Variants in CUX1 observed in about 807,000 individuals in gnomAD.
CUX1 encodes cut like homeobox 1, also known as protein CASP.
In CUX1, 31 loss-of-function variants were observed where a neutral mutation model predicts 158.8. That is an observed-to-expected ratio of 0.20 (90% CI 0.15 to 0.26). The LOEUF (loss-of-function observed/expected upper bound fraction) is 0.26. Ranked by LOEUF, CUX1 falls within the 10% of genes least tolerant of loss-of-function variation. CUX1 has a pLI of 1.00. For synonymous variants in CUX1, 879 were observed against 862.1 expected (o/e 1.02, Z -0.34); for missense variants, 1,589 against 2,014.6 (o/e 0.79, Z 4.04).
rs1486147812 is a variant in CUX1 at position 102,249,204 on chromosome 7, C to T, written c.*162C>T. Reference sequence around the variant, plus strand: ...CAGCCCAGACCCCCTCCACGGTCCGCGGCCTGCACCGACCCGAGGCCCAGA... The same window carrying T: ...CAGCCCAGACCCCCTCCACGGTCCGTGGCCTGCACCGACCCGAGGCCCAGA... On this transcript the variant is annotated 3_prime_UTR_variant, in exon 24 of 24. Transcript: ENST00000292535. The T allele has an allele frequency of 5.4e-6, 6 of 1,113,250 alleles. No individual in the cohort carries two copies. The South Asian group carries it at 1.3e-4, about 25-fold the overall frequency. The allele number at this position is 1,113,250 out of a possible 1,614,324, so 69.0% of individuals were successfully genotyped here. A position where few individuals can be genotyped will look rare whatever the true frequency, so the allele number is the denominator to read the frequency against.
At position 101,919,861 on chromosome 7, in the gene CUX1, G is replaced by A. The variant is rs548537542; in HGVS notation, c.141+3636G>A. Reference sequence around the variant, plus strand: ...TGGCCAGGGAGGGGTGCTGTGTGGTGGCTGGGACTCTGACAGGCGGGAGAA... The same window carrying A: ...TGGCCAGGGAGGGGTGCTGTGTGGTAGCTGGGACTCTGACAGGCGGGAGAA... On this transcript the variant is annotated intron_variant, in intron 2 of 23. Coordinates refer to ENST00000292535, the MANE Select transcript of CUX1 (RefSeq NM_181552.4). 7.2e-5 allele frequency among the ~76,000 whole-genome samples: 11 copies of A among 152,328 alleles called. No individual in the cohort carries two copies. In the East Asian group the frequency reaches 1.7e-3, roughly 24 times the overall value.
At chr7:102,217,195 A>G (rs111426402) in intron 20 of CUX1, among the ~76,000 whole-genome samples, 2 of 152,160 alleles carry the variant, frequency 1.3e-5, no homozygotes, top group East Asian at 1.9e-4. Flanking sequence ...CCCTTCAGCA[A>G]TCTGGCCAGA....
At chr7:101,914,462 CCTTCCTTCCTTCCCTT>C (rs1285928248) in intron 1 of CUX1, among the ~76,000 whole-genome samples, 2 of 142,958 alleles carry the variant, frequency 1.4e-5, no homozygotes, top group East Asian at 2.2e-4. Context: ...TTCCCTCCTT[CCTTCCTTCCTTCCCTT>C]CTTCCTTCCT....
intron 1 of CUX1, among the ~76,000 whole-genome samples, chr7:101,830,867 AAC>A (rs1793908060): frequency 6.6e-6 from 1 of 152,184 alleles, no homozygotes; most frequent in African/African-American, 2.4e-5. Flanking sequence ...TCTCAGAAAT[AAC>A]ACAGCACATT....
intron 2 of CUX1, among the ~76,000 whole-genome samples, chr7:101,984,976 T>C (rs1814090695): frequency 6.6e-6 from 1 of 152,230 alleles, no homozygotes; most frequent in Admixed American, 6.5e-5. Context: ...CTCCTGCCAT[T>C]TATTGGGGCC....
In CUX1 at chr7:102,210,393, G is replaced by A. The variant is rs576189104; in HGVS notation, c.3130+5223G>A. Among the ~76,000 whole-genome samples the A allele has an allele frequency of 1.3e-3, 194 of 152,174 alleles. 1 individual carries two copies. The highest frequency in any genetic ancestry group is 4.3e-3 in the African/African-American group (180 of 41,516). ...ATTACAGGTGTAAGTCACCACACCCGGCCTTTTTTATTCTTTATTTCCAAA... is the reference window on the plus strand; with the variant it reads ...ATTACAGGTGTAAGTCACCACACCCAGCCTTTTTTATTCTTTATTTCCAAA... On this transcript the variant is annotated intron_variant, in intron 20 of 23. Transcript: ENST00000292535.
intron 22 of CUX1, chr7:102,282,999 C>A (rs782777668): frequency 6.2e-7 from 1 of 1,609,410 alleles, no homozygotes; most frequent in Non-Finnish European, 8.5e-7. Context: ...TCGGCCTCAG[C>A]AAAGCTTCCC....
intron 2 of CUX1, among the ~76,000 whole-genome samples, chr7:101,956,388 G>A (rs1809790596): frequency 6.6e-6 from 1 of 152,074 alleles, no homozygotes; most frequent in African/African-American, 2.4e-5. Flanking sequence ...TTATTAGCAT[G>A]TGACACCAGA....
At chr7:102,044,767 T>A (rs562704636) in intron 3 of CUX1, among the ~76,000 whole-genome samples, 25 of 152,184 alleles carry the variant, frequency 1.6e-4, no homozygotes, top group Admixed American at 7.9e-4. Flanking sequence ...AATAGGTCAG[T>A]GCCCTGCTGG....
downstream of CUX1, among the ~76,000 whole-genome samples, chr7:102,263,011 CTTTTT>C (rs58568731): frequency 1.0e-4 from 13 of 127,210 alleles, no homozygotes; most frequent in African/African-American, 3.3e-4. Context: ...AAGGGTTAAA[CTTTTT>C]TTTTTTTTTT....
At chr7:102,113,088 A>G (rs915199485) in intron 7 of CUX1, among the ~76,000 whole-genome samples, 1 of 152,200 alleles carries the variant, frequency 6.6e-6, no homozygotes, top group East Asian at 1.9e-4. Context: ...GTCGAACAAT[A>G]AGCAAGGGAT....
chr7:102,232,944 TCTC>T (rs2132419920), intron 21 of CUX1, among the ~76,000 whole-genome samples: 1 of 152,268 alleles, frequency 6.6e-6, no homozygotes, highest in South Asian at 2.1e-4. Context: ...GGCAGCTCCC[TCTC>T]CTCTGTCCTG....
At chr7:101,965,464 G>A (rs917752833) in intron 2 of CUX1, among the ~76,000 whole-genome samples, 1 of 152,102 alleles carries the variant, frequency 6.6e-6, no homozygotes, top group Non-Finnish European at 1.5e-5. Flanking sequence ...GGAAGGGCAG[G>A]GTCAGCAGGG....
At chr7:102,139,131 G>A (rs759910071) in intron 8 of CUX1, among the ~76,000 whole-genome samples, 2 of 151,248 alleles carry the variant, frequency 1.3e-5, no homozygotes, top group African/African-American at 4.9e-5. Context: ...TGTAATTCCA[G>A]CTACTCAGGA....
chr7:101,973,052 C>G (rs1812170820), intron 2 of CUX1, among the ~76,000 whole-genome samples: 2 of 152,124 alleles, frequency 1.3e-5, no homozygotes, highest in Admixed American at 1.3e-4. Context: ...TTTCAGGCAG[C>G]CGAAATCCCC....
intron 2 of CUX1, among the ~76,000 whole-genome samples, chr7:101,943,313 G>A (rs1034154994): frequency 7.9e-5 from 12 of 151,796 alleles, no homozygotes; most frequent in Middle Eastern, 3.4e-3. Context: ...CACCATGTTG[G>A]CCAGGTTGGT....
intron 1 of CUX1, among the ~76,000 whole-genome samples, chr7:101,864,243 C>T (rs544339156): frequency 6.6e-6 from 1 of 152,102 alleles, no homozygotes; most frequent in Non-Finnish European, 1.5e-5. Context: ...TCACTGGATC[C>T]TTGACCTCCT....
At chr7:101,948,108 C>T (rs553710215) in intron 2 of CUX1, among the ~76,000 whole-genome samples, 2 of 152,332 alleles carry the variant, frequency 1.3e-5, no homozygotes, top group African/African-American at 4.8e-5. Context: ...CAGATTCGGC[C>T]AGGCGCCAAG....
At chr7:101,824,469 G>A (rs1289234444) in intron 1 of CUX1, 1 of 152,178 alleles carries the variant, frequency 6.6e-6, no homozygotes, top group East Asian at 1.9e-4. Flanking sequence ...TTCCCCTCCT[G>A]TTTCTAGGGA....
Sources: gnomAD v4.1 joint callset for allele counts (sites outside exome capture counted in the v4.1 genomes callset) on GRCh38, gnomAD v4.1.1 for gene constraint, MANE v1.5 for transcripts, NCBI Gene and HGNC (gene_info 2026-07-23, HGNC 2026-07-21) for gene names.